Variants in ARID3C observed in about 807,000 individuals in gnomAD.
ARID3C encodes AT-rich interactive domain-containing protein 3C.
Under a neutral mutation model 37.9 loss-of-function variants are expected in ARID3C, and 42 were observed. That is an observed-to-expected ratio of 1.11 (90% CI 0.87 to 1.43). ARID3C has a LOEUF of 1.43. Ranked by LOEUF, ARID3C falls within the 40% of genes most tolerant of loss-of-function variation. ARID3C has a pLI of 0.00. For missense variants in ARID3C, 581 were observed against 548.8 expected, an observed-to-expected ratio of 1.06 and a Z score of -0.59; for synonymous variants, 213 against 228.0, an observed-to-expected ratio of 0.93 and a Z score of 0.59.
intron 1 of ARID3C, among the ~76,000 whole-genome samples, chr9:34,626,924 C>T (rs924682937): frequency 1.3e-5 from 2 of 152,194 alleles, no homozygotes; most frequent in Non-Finnish European, 2.9e-5. Flanking sequence ...CCTGGAGACA[C>T]AGCCCTGTGT....
chr9:34,630,319 C>T (rs1157322178), upstream of ARID3C, among the ~76,000 whole-genome samples: 1 of 152,130 alleles, frequency 6.6e-6, no homozygotes, highest in Non-Finnish European at 1.5e-5. Context: ...CTCAGAATTT[C>T]TGCTCTGAAC....
Position 34,624,049 on chromosome 9 carries a change from TG to T in ARID3C, c.392-3del. On this transcript the variant is annotated splice_region_variant and splice_polypyrimidine_tract_variant and intron_variant, in intron 2 of 6. Transcript: ENST00000378909. ...TGGGCACGCGGTTCACTGGCGTCCC[TG>T]GTGGGGAGCGGGCTGCCGTCAGGAC... The T allele has an allele frequency of 1.3e-6, 2 of 1,580,722 alleles. No homozygotes were observed. Among genetic ancestry groups the T allele is most frequent in the South Asian group, 2.3e-5 (2 of 88,188 alleles).
rs1820561224 is a variant in ARID3C at position 34,621,558 on chromosome 9, CCT to C, written c.1139-2_1139-1del. 6 of 1,573,606 alleles carry C rather than the reference CCT, an allele frequency of 3.8e-6. No individual in the cohort carries two copies. The South Asian group carries it at 7.1e-5, about 19-fold the overall frequency. On this transcript the variant is annotated splice_acceptor_variant, in intron 6 of 6. Transcript: ENST00000378909. LOFTEE classifies it high-confidence loss of function. ...AGGCTGGCGGCGGGCAAAGAGGACA[CCT>C]GGCAAAGGGGTGAGGAGATGGTAGA...
In ARID3C at chr9:34,622,003, G is replaced by T. The variant is rs1326867300; in HGVS notation, c.1138+17C>A. The T allele has an allele frequency of 6.2e-7, 1 of 1,612,044 alleles. No individual in the cohort carries two copies. Among genetic ancestry groups the T allele is most frequent in the Non-Finnish European group, 8.5e-7 (1 of 1,178,320 alleles). The stretch of plus-strand genomic sequence containing the variant: ...CCCTGACCCCATGCCAGTGTAGACA[G>T]CCTGCAGTACCCATACCAGTGTAGA... On this transcript the variant is annotated intron_variant, in intron 6 of 6. Transcript: ENST00000378909.
At chr9:34,626,982 C>G (rs1820661171) in intron 1 of ARID3C, among the ~76,000 whole-genome samples, 2 of 152,176 alleles carry the variant, frequency 1.3e-5, no homozygotes, top group South Asian at 4.1e-4. Flanking sequence ...GAATAACACC[C>G]AGAAGGGTTC....
intron 2 of ARID3C, 100 bp from the exon 4 acceptor site, chr9:34,624,147 AAG>A (rs1383533396): frequency 7.2e-7 from 1 of 1,396,150 alleles, no homozygotes; most frequent in Non-Finnish European, 9.5e-7. Flanking sequence ...GAGGGCGGGA[AAG>A]AGGGAGACTT....
At chr9:34,629,043 G>T (rs960290430), upstream of ARID3C, among the ~76,000 whole-genome samples, 1 of 152,006 alleles carries the variant, frequency 6.6e-6, no homozygotes, top group East Asian at 1.9e-4. Context: ...CTCCTCTGGC[G>T]GCTGTGCGCT....
upstream of ARID3C, among the ~76,000 whole-genome samples, chr9:34,628,801 C>A (rs980713834): frequency 6.6e-6 from 1 of 152,098 alleles, no homozygotes; most frequent in Non-Finnish European, 1.5e-5. This position sits in a 1 kb window ranked among gnomAD's most constrained non-coding sequence, Gnocchi z 5.2. Flanking sequence ...CAAGGAGTCG[C>A]GGGGATGGAG....
chr9:34,628,006 G>A lies in ARID3C; in HGVS notation c.9C>T (p.Ala3=). 1 of 1,497,352 alleles carries A rather than the reference G, an allele frequency of 6.7e-7. No individual in the cohort carries two copies. Among genetic ancestry groups the A allele is most frequent in the Non-Finnish European group, 8.9e-7 (1 of 1,120,850 alleles). 92.8% of individuals were successfully genotyped at this position (1,497,352 alleles called of 1,614,324 possible). A position where few individuals can be genotyped will look rare whatever the true frequency, so the allele number is the denominator to read the frequency against. The change falls in exon 1 of 7, where the codon GCC becomes GCT. Residue 3 remains alanine, a synonymous_variant. Transcript: ENST00000378909. The surrounding 1 kb of genome is among the most constrained non-coding windows in gnomAD (Gnocchi z 5.2). ...GCCGAGCTGCCTGCTGCTTCTGCAG[G>A]GCCTCCATGACAGCTTCCAGGCGCA...
chr9:34,629,280 G>C (rs1014405125), upstream of ARID3C, among the ~76,000 whole-genome samples: 1 of 152,154 alleles, frequency 6.6e-6, no homozygotes, highest in Admixed American at 6.5e-5. Flanking sequence ...CCAGAGCCCC[G>C]CCCAGCCTCA....
chr9:34,624,114 T>G, intron 2 of ARID3C, 67 bp from the exon 4 acceptor site: 1 of 1,493,990 alleles, frequency 6.7e-7, no homozygotes, highest in Non-Finnish European at 8.9e-7. Flanking sequence ...CCCCAGGGAC[T>G]GATACAGGAC....
exon 1 of ARID3C, chr9:34,627,888 C>T (rs757635029): frequency 6.4e-7 from 1 of 1,567,354 alleles, no homozygotes; most frequent in Non-Finnish European, 8.7e-7. Flanking sequence ...CCCAAGGCCC[C>T]CTCAGGGGCC....
chr9:34,627,836 T>A, exon 1 of ARID3C: 3 of 1,608,668 alleles, frequency 1.9e-6, no homozygotes, highest in Non-Finnish European at 2.5e-6. Context: ...CCGCTTCTCC[T>A]CATCTTCTTC....
At chr9:34,631,338 A>G (rs936675467), upstream of ARID3C, among the ~76,000 whole-genome samples, 1 of 152,196 alleles carries the variant, frequency 6.6e-6, no homozygotes, top group Non-Finnish European at 1.5e-5. Context: ...GAGGGCTACA[A>G]CTGGGAAGGG....
At chr9:34,630,855 AC>A (rs952193077), upstream of ARID3C, among the ~76,000 whole-genome samples, 15 of 151,580 alleles carry the variant, frequency 9.9e-5, no homozygotes, top group Non-Finnish European at 2.1e-4. Flanking sequence ...GCCCATCAGA[AC>A]CCCCCAGCCT....
At chr9:34,621,060 C>T (rs143551370), downstream of ARID3C, among the ~76,000 whole-genome samples, 341 of 152,300 alleles carry the variant, frequency 2.2e-3, 1 homozygote, top group Non-Finnish European at 4.3e-3. Flanking sequence ...AGGGAGGGAC[C>T]GCAGCTTTAT....
intron 2 of ARID3C, among the ~76,000 whole-genome samples, 177 bp from the exon 4 acceptor site, chr9:34,624,224 G>T (rs1036609961): frequency 6.6e-6 from 1 of 151,572 alleles, no homozygotes; most frequent in Non-Finnish European, 1.5e-5. Flanking sequence ...TAGAACGGGG[G>T]GGGGCAAAGT....
chr9:34,632,879 G>GT (rs1157370998), upstream of ARID3C, among the ~76,000 whole-genome samples: 1 of 152,110 alleles, frequency 6.6e-6, no homozygotes, highest in African/African-American at 2.4e-5. Context: ...GATGAAGGCA[G>GT]TAAGATTTCC....
Position 34,623,865 on chromosome 9 carries a change from G to A in ARID3C, c.574C>T (p.Gln192Ter). 1 of 1,593,732 alleles carries A rather than the reference G, an allele frequency of 6.3e-7. No individual in the cohort carries two copies. The highest frequency in any genetic ancestry group is 8.5e-7 in the Non-Finnish European group (1 of 1,175,588). ...TTCCGCTCCCGCCCCTGGCCTCACT[G>A]GGTGCGTAGAGTGAAGGCGGCCGAG... is the stretch of plus-strand genomic sequence containing the variant. Residue 192 changes from glutamine (Q) to a stop codon, truncating the protein, a stop_gained and splice_region_variant, in exon 3 of 7, where the codon CAG becomes TAG. Transcript: ENST00000378909. LOFTEE classifies it high-confidence loss of function.
Sources: gnomAD v4.1 joint callset for allele counts (sites outside exome capture counted in the v4.1 genomes callset) on GRCh38, gnomAD v4.1.1 for gene constraint, Gnocchi (gnomAD v3.1) non-coding constraint, MANE v1.5 for transcripts, NCBI Gene and HGNC (gene_info 2026-07-23, HGNC 2026-07-21) for gene names.